Variants in C6orf89 observed in about 807,000 individuals in gnomAD.
C6orf89 encodes the protein chromosome 6 open reading frame 89.
Under a neutral mutation model 40.7 loss-of-function variants are expected in C6orf89, and 29 were observed. The ratio of observed to expected loss-of-function variants is 0.71; its 90% CI spans 0.53 to 0.97. The LOEUF (loss-of-function observed/expected upper bound fraction) is 0.97. C6orf89 is among the 50% of genes least tolerant of loss of function. The pLI, the probability that C6orf89 is intolerant of heterozygous loss-of-function variation, is 0.00. For synonymous variants in C6orf89, 165 were observed against 152.2 expected (o/e 1.08, Z -0.62); for missense variants, 392 against 429.1 (o/e 0.91, Z 0.76).
intron 2 of C6orf89, among the ~76,000 whole-genome samples, chr6:36,898,363 T>A (rs1761527772): frequency 6.7e-6 from 1 of 149,478 alleles, no homozygotes; most frequent in African/African-American, 2.5e-5. Context: ...CACCACAACC[T>A]CTGCCTCCCG....
At chr6:36,909,803 T>C (rs1047065065) in intron 4 of C6orf89, among the ~76,000 whole-genome samples, 3 of 151,890 alleles carry the variant, frequency 2.0e-5, no homozygotes, top group Non-Finnish European at 4.4e-5. Flanking sequence ...AAAAAAAAGT[T>C]TTTTGTTAAT....
chr6:36,895,547 GA>G (rs1052216584), intron 2 of C6orf89, among the ~76,000 whole-genome samples: 4 of 151,788 alleles, frequency 2.6e-5, no homozygotes, highest in African/African-American at 7.2e-5. Context: ...AAGGTATTAA[GA>G]AAAAAAAGAT....
rs1267417049 is a variant in C6orf89, at chr6:36,925,553, G to T, written c.*2112G>T. On this transcript the variant is annotated 3_prime_UTR_variant, in exon 9 of 9. Transcript: ENST00000480824. ...CAGAAGATAAGTGGAGACTTTTATGGATATACTACTCATTTTACTTAAAAT... is the reference window on the plus strand; with the variant it reads ...CAGAAGATAAGTGGAGACTTTTATGTATATACTACTCATTTTACTTAAAAT... The T allele has an allele frequency of 6.6e-6, 1 of 152,134 alleles. No homozygotes were observed. Among genetic ancestry groups the T allele is most frequent in the Non-Finnish European group, 1.5e-5 (1 of 68,026 alleles). 9.4% of individuals were successfully genotyped at this position (152,134 alleles called of 1,614,324 possible).
At chr6:36,884,419 T>C (rs993973099), upstream of C6orf89, among the ~76,000 whole-genome samples, 6 of 152,206 alleles carry the variant, frequency 3.9e-5, no homozygotes, top group African/African-American at 1.4e-4. The surrounding 1 kb of genome is among the most constrained non-coding windows in gnomAD (Gnocchi z 4.0). Flanking sequence ...TACTCCAAAC[T>C]CTTGCTATTA....
chr6:36,893,266 T>C (rs1561860406), intron 1 of C6orf89, among the ~76,000 whole-genome samples: 1 of 152,080 alleles, frequency 6.6e-6, no homozygotes, highest in Admixed American at 6.5e-5. Flanking sequence ...ATGAGTTTTT[T>C]TGTTCTTGTT....
chr6:36,916,530 A>T lies in C6orf89; in HGVS notation c.781A>T (p.Asn261Tyr). The change falls in exon 7 of 9, where the codon AAC becomes TAC. Residue 261 changes from asparagine to tyrosine, a missense_variant. Coordinates refer to ENST00000480824, the MANE Select transcript of C6orf89 (RefSeq NM_001286635.2). ...HLPFPKDASL[N>Y]KCSFLHPEPV... ...GCCATTTCCAAAAGATGCCTCTTTA[A>T]ACAAGTGCTCCTTTCTTCACCCAGA... 1 of 1,614,244 alleles carries T rather than the reference A, an allele frequency of 6.2e-7. No individual in the cohort carries two copies. Among genetic ancestry groups the T allele is most frequent in the Non-Finnish European group, 8.5e-7 (1 of 1,180,040 alleles).
intron 2 of C6orf89, among the ~76,000 whole-genome samples, chr6:36,898,801 G>A (rs906842295): frequency 2.0e-5 from 3 of 152,012 alleles, no homozygotes; most frequent in African/African-American, 7.2e-5. Context: ...TTGTAGAAAA[G>A]CATGAGGACT....
At chr6:36,899,762 CTT>C (rs1314716732) in intron 3 of C6orf89, 129 bp downstream of exon 3, 13 of 848,848 alleles carry the variant, frequency 1.5e-5, no homozygotes, top group Non-Finnish European at 2.4e-5. Context: ...GGCCTTTGCT[CTT>C]GTTACCATGT....
chr6:36,878,847 C>T (rs1774728841), intron 1 of C6orf89, among the ~76,000 whole-genome samples: 1 of 152,158 alleles, frequency 6.6e-6, no homozygotes, highest in Admixed American at 6.5e-5. Context: ...TATTGCTGTA[C>T]GTTAGTTTAC....
exon 1 of C6orf89, chr6:36,871,941 G>T: frequency 7.5e-7 from 1 of 1,331,400 alleles, no homozygotes; most frequent in Non-Finnish European, 1.0e-6. Flanking sequence ...TTATGGAACT[G>T]CTCCAGGACT....
intron 8 of C6orf89, among the ~76,000 whole-genome samples, chr6:36,921,120 T>C (rs2150717437): frequency 6.6e-6 from 1 of 151,872 alleles, no homozygotes; most frequent in Middle Eastern, 3.4e-3. Flanking sequence ...AAAGGACCCC[T>C]ATAGTTGGCA....
At chr6:36,899,664 C>A (rs1156613352) in intron 3 of C6orf89, 31 bp downstream of exon 3, 1 of 1,581,734 alleles carries the variant, frequency 6.3e-7, no homozygotes, top group Non-Finnish European at 8.7e-7. Flanking sequence ...GTAATTGCTT[C>A]AACAGAACAC....
chr6:36,921,104 A>G (rs1475907439), intron 8 of C6orf89, among the ~76,000 whole-genome samples: 1 of 152,146 alleles, frequency 6.6e-6, no homozygotes, highest in South Asian at 2.1e-4. Context: ...TTTGTTGACT[A>G]GAAAGAAAGG....
chr6:36,876,800 T>A (rs1774670290), intron 1 of C6orf89, among the ~76,000 whole-genome samples: 1 of 147,016 alleles, frequency 6.8e-6, no homozygotes, highest in African/African-American at 2.5e-5. Flanking sequence ...TACTCCAGAG[T>A]AGGTTTGGAC....
intron 1 of C6orf89, among the ~76,000 whole-genome samples, chr6:36,874,542 T>C (rs543327606): frequency 1.3e-5 from 2 of 152,320 alleles, no homozygotes; most frequent in East Asian, 3.9e-4. Context: ...CCGCGGAGCT[T>C]GGACGCGGGC....
At chr6:36,919,334 T>C (rs1762432042) in intron 7 of C6orf89, among the ~76,000 whole-genome samples, 1 of 152,222 alleles carries the variant, frequency 6.6e-6, no homozygotes. Flanking sequence ...AGTGCCTCTT[T>C]AGGAGAACCC....
chr6:36,893,977 T>C (rs1162903443), intron 1 of C6orf89, among the ~76,000 whole-genome samples: 1 of 149,836 alleles, frequency 6.7e-6, no homozygotes, highest in Non-Finnish European at 1.5e-5. Flanking sequence ...TGAGCCAAGA[T>C]TGCACCACTG....
chr6:36,873,664 T>A (rs920540043), intron 1 of C6orf89, among the ~76,000 whole-genome samples: 5 of 152,136 alleles, frequency 3.3e-5, no homozygotes, highest in African/African-American at 4.8e-5. Flanking sequence ...CCTGAAGATG[T>A]AGAATTTTGC....
At chr6:36,909,549 G>T (rs1032001758) in intron 4 of C6orf89, among the ~76,000 whole-genome samples, 3 of 151,944 alleles carry the variant, frequency 2.0e-5, no homozygotes, top group African/African-American at 7.3e-5. Context: ...TGAATTCCTT[G>T]TTCATATTTT....
Sources: allele counts gnomAD v4.1 joint callset (sites outside exome capture counted in the v4.1 genomes callset), GRCh38; gene constraint gnomAD v4.1.1; non-coding constraint Gnocchi (gnomAD v3.1); transcripts MANE v1.5; gene names NCBI Gene and HGNC (gene_info 2026-07-23, HGNC 2026-07-21).